The following OPCML variants were observed in gnomAD, a reference collection of about 807,000 sequenced individuals.
The protein encoded by OPCML is opioid binding protein/cell adhesion molecule like.
Under a neutral mutation model 37.8 loss-of-function variants are expected in OPCML, and 13 were observed. The observed-to-expected ratio is 0.34, with a 90% CI of 0.22 to 0.55. The LOEUF (loss-of-function observed/expected upper bound fraction) is 0.55. OPCML is among the 20% of genes least tolerant of loss of function. The probability of loss-of-function intolerance (pLI) is 0.91; values close to 1 mark genes in which losing one functional copy is unlikely to be tolerated. For missense variants in OPCML, 341 were observed against 435.6 expected, an observed-to-expected ratio of 0.78 and a Z score of 1.93; for synonymous variants, 176 against 168.8, an observed-to-expected ratio of 1.04 and a Z score of -0.33.
chr11:133,379,416 C>T (rs1404772761), intron 1 of OPCML, among the ~76,000 whole-genome samples: 1 of 152,212 alleles, frequency 6.6e-6, no homozygotes, highest in Non-Finnish European at 1.5e-5. Context: ...TTCAGCACTT[C>T]ATTTATTTGT....
rs1451258949 is a variant in OPCML, at chr11:133,211,623, G to T, written c.62-268613C>A. On this transcript the variant is annotated intron_variant, in intron 1 of 7. Coordinates refer to ENST00000524381, the MANE Select transcript of OPCML (RefSeq NM_001012393.5). This position sits in a 1 kb window ranked among gnomAD's most constrained non-coding sequence, Gnocchi z 4.1. ...CTAGAAGGGAGCTGAGGTACCCAGA[G>T]GCCCTTCCCTAATAGCTGGAATTGT... 6.6e-6 allele frequency among the ~76,000 whole-genome samples: 1 copy of T among 152,188 alleles called. No homozygotes were observed. The highest frequency in any genetic ancestry group is 2.4e-5 in the African/African-American group (1 of 41,446).
At chr11:132,734,060 CAG>C (rs913883010) in intron 2 of OPCML, among the ~76,000 whole-genome samples, 2 of 152,072 alleles carry the variant, frequency 1.3e-5, no homozygotes, top group African/African-American at 4.8e-5. Flanking sequence ...ACATTTATCT[CAG>C]AGTGTTTTTA....
In OPCML at chr11:132,437,242, T is replaced by G. The variant is rs757457285; in HGVS notation, c.623A>C (p.Lys208Thr). The G allele has an allele frequency of 1.2e-6, 2 of 1,614,030 alleles. No individual in the cohort carries two copies. The highest frequency in any genetic ancestry group is 2.2e-5 in the South Asian group (2 of 91,070). Residue 208 changes from lysine to threonine, a missense_variant, in exon 5 of 8, where the codon AAA (lysine) becomes ACA (threonine). Physicochemically the swap from Lys to Thr is moderately conservative, Grantham distance 78. Coordinates refer to ENST00000524381, the MANE Select transcript of OPCML (RefSeq NM_001012393.5). The part of the protein sequence containing the change: ...LNDVAAPDVR[K>T]VKITVNYPPY... ...CTCACAGTTTACAGTGATTTTTACT[T>G]TCCGCACATCGGGCGCAGCGACATC... is the stretch of plus-strand genomic sequence containing the variant.
intron 1 of OPCML, among the ~76,000 whole-genome samples, chr11:133,128,350 A>G (rs1262012908): frequency 1.3e-5 from 2 of 152,202 alleles, no homozygotes; most frequent in Non-Finnish European, 2.9e-5. Flanking sequence ...GGAGCTGGCA[A>G]ATAGCTTTCT....
chr11:132,779,972 A>G (rs942986448), intron 2 of OPCML, among the ~76,000 whole-genome samples: 6 of 151,836 alleles, frequency 4.0e-5, no homozygotes, highest in African/African-American at 1.5e-4. Context: ...GTTTAATTTC[A>G]TATTTAGGAG....
chr11:132,798,011 T>A (rs1255153516), intron 2 of OPCML, among the ~76,000 whole-genome samples: 8 of 152,338 alleles, frequency 5.3e-5, no homozygotes, highest in South Asian at 2.1e-4. Flanking sequence ...CAATAGAACT[T>A]TCAAAATTGG....
At chr11:133,489,681 T>C (rs1172939653) in intron 1 of OPCML, among the ~76,000 whole-genome samples, 2 of 152,150 alleles carry the variant, frequency 1.3e-5, no homozygotes, top group Non-Finnish European at 1.5e-5. Context: ...ACCCCACTAC[T>C]GGCTATCTAC....
chr11:132,977,851 A>G (rs1041152688), intron 1 of OPCML, among the ~76,000 whole-genome samples: 2 of 152,018 alleles, frequency 1.3e-5, no homozygotes, highest in African/African-American at 2.4e-5. Flanking sequence ...TTATTTTTTT[A>G]TTTACTTTTT....
chr11:132,764,663 C>T (rs1313704376), intron 2 of OPCML, among the ~76,000 whole-genome samples: 3 of 152,166 alleles, frequency 2.0e-5, no homozygotes, highest in Non-Finnish European at 4.4e-5. Flanking sequence ...TCACTCCTCC[C>T]TGTGTTTCCA....
At chr11:132,927,267 G>C (rs1945027295) in intron 2 of OPCML, among the ~76,000 whole-genome samples, 1 of 152,060 alleles carries the variant, frequency 6.6e-6, no homozygotes, top group Non-Finnish European at 1.5e-5. Context: ...AAATGTCAAA[G>C]ACCAAAGAGA....
At chr11:133,239,274 T>G (rs1192178661) in intron 1 of OPCML, among the ~76,000 whole-genome samples, 1 of 152,226 alleles carries the variant, frequency 6.6e-6, no homozygotes, top group African/African-American at 2.4e-5. Context: ...TCTGACATTC[T>G]TTTGCCAGCC....
At chr11:133,529,953 T>G (rs1948570211) in intron 1 of OPCML, among the ~76,000 whole-genome samples, 1 of 152,110 alleles carries the variant, frequency 6.6e-6, no homozygotes, top group Non-Finnish European at 1.5e-5. Flanking sequence ...GCTAACTTTT[T>G]CTCCTCCCCG....
intron 2 of OPCML, among the ~76,000 whole-genome samples, chr11:132,749,088 G>A (rs188390996): frequency 6.0e-4 from 91 of 152,282 alleles, no homozygotes; most frequent in Non-Finnish European, 1.0e-3. Context: ...GAGCCCTCAT[G>A]AATGGGACCT....
At chr11:132,745,891 C>T (rs1374619544) in intron 2 of OPCML, among the ~76,000 whole-genome samples, 1 of 152,192 alleles carries the variant, frequency 6.6e-6, no homozygotes, top group Non-Finnish European at 1.5e-5. Flanking sequence ...ATCCTCCTGC[C>T]TCCCAGCCTC....
intron 2 of OPCML, among the ~76,000 whole-genome samples, chr11:132,739,059 G>A (rs1026353755): frequency 6.6e-6 from 1 of 152,074 alleles, no homozygotes; most frequent in East Asian, 1.9e-4. Flanking sequence ...GAGATAACTC[G>A]ACTCCTATCA....
intron 4 of OPCML, among the ~76,000 whole-genome samples, chr11:132,523,511 T>A (rs2096299702): frequency 6.8e-6 from 1 of 146,044 alleles, no homozygotes; most frequent in African/African-American, 2.4e-5. Flanking sequence ...TCAAGACAAA[T>A]TAGAAGCAGA....
chr11:132,668,380 T>C (rs1289828046), intron 2 of OPCML, among the ~76,000 whole-genome samples: 1 of 152,210 alleles, frequency 6.6e-6, no homozygotes, highest in Non-Finnish European at 1.5e-5. Flanking sequence ...ATGTGGGCTC[T>C]GCCACTTACT....
chr11:133,286,395 G>A (rs1420330098), intron 1 of OPCML, among the ~76,000 whole-genome samples: 8 of 150,644 alleles, frequency 5.3e-5, no homozygotes, highest in African/African-American at 1.5e-4. Context: ...GCGTGAACCC[G>A]GGAGGCGGAG....
chr11:133,054,753 C>T (rs1363485565), intron 1 of OPCML, among the ~76,000 whole-genome samples: 4 of 152,340 alleles, frequency 2.6e-5, no homozygotes, highest in East Asian at 1.9e-4. Context: ...AGTTGAGAAA[C>T]ATACTTCCAA....
Sources: allele counts gnomAD v4.1 joint callset (sites outside exome capture counted in the v4.1 genomes callset), GRCh38; gene constraint gnomAD v4.1.1; non-coding constraint Gnocchi (gnomAD v3.1); transcripts MANE v1.5; gene names NCBI Gene and HGNC (gene_info 2026-07-23, HGNC 2026-07-21).